Variants in ZC3H12B observed in about 807,000 individuals in gnomAD.
ZC3H12B encodes probable ribonuclease ZC3H12B.
In ZC3H12B, 7 loss-of-function variants were observed where a neutral mutation model predicts 43.9. That is an observed-to-expected ratio of 0.16 (90% confidence interval 0.09 to 0.30). The LOEUF is 0.30. Ranked by LOEUF, ZC3H12B falls within the 10% of genes least tolerant of loss-of-function variation. ZC3H12B has a pLI of 1.00. For synonymous variants in ZC3H12B, 222 were observed against 241.7 expected, an observed-to-expected ratio of 0.92 and a Z score of 0.76; for missense variants, 475 against 670.2, an observed-to-expected ratio of 0.71 and a Z score of 3.22.
chrX:65,189,319 G>A, the ZC3H12B span, among the ~76,000 whole-genome samples: 1 of 86,729 alleles, frequency 1.2e-5, no homozygotes, highest in African/African-American at 5.0e-5. Flanking sequence ...CCCAGTAATG[G>A]AATGGCTGGG....
At chrX:65,239,967 T>C in the ZC3H12B span, among the ~76,000 whole-genome samples, 66 of 111,915 alleles carry the variant, frequency 5.9e-4, no homozygotes, top group Non-Finnish European at 1.0e-3. Flanking sequence ...TGGGTTTCCC[T>C]TTGCAGGTGA....
chrX:65,358,179 G>A, the ZC3H12B span, among the ~76,000 whole-genome samples: 1 of 111,277 alleles, frequency 9.0e-6, no homozygotes, highest in Non-Finnish European at 1.9e-5. Context: ...CAATACAAGA[G>A]TACCCAGATT....
the ZC3H12B span, among the ~76,000 whole-genome samples, chrX:65,122,839 C>G: frequency 9.0e-6 from 1 of 111,522 alleles, no homozygotes; most frequent in Non-Finnish European, 1.9e-5. Flanking sequence ...AGCTAACTAT[C>G]CTAAATATAT....
chrX:65,199,172 A>AT, the ZC3H12B span, among the ~76,000 whole-genome samples: 44 of 104,027 alleles, frequency 4.2e-4, no homozygotes, highest in Admixed American at 2.6e-3. Context: ...GTTTTTTATT[A>AT]TTTTTTTTTC....
the ZC3H12B span, among the ~76,000 whole-genome samples, chrX:65,206,038 C>A: frequency 8.9e-6 from 1 of 111,844 alleles, no homozygotes; most frequent in South Asian, 3.7e-4. Flanking sequence ...ATGGAAACAC[C>A]ATGCTCATGG....
the ZC3H12B span, among the ~76,000 whole-genome samples, chrX:65,130,339 C>T: frequency 9.0e-6 from 1 of 111,436 alleles, no homozygotes; most frequent in African/African-American, 3.3e-5. Flanking sequence ...CTAGGAATTA[C>T]ATCTGACAGA....
At chrX:65,073,365 A>G in the ZC3H12B span, among the ~76,000 whole-genome samples, 1 of 110,418 alleles carries the variant, frequency 9.1e-6, no homozygotes, top group Non-Finnish European at 1.9e-5. Flanking sequence ...CTCTGCTGGA[A>G]CTCTTTTCTG....
the ZC3H12B span, among the ~76,000 whole-genome samples, chrX:65,176,417 C>G: frequency 9.0e-6 from 1 of 111,602 alleles, no homozygotes; most frequent in Non-Finnish European, 1.9e-5. Context: ...TAACATCTCC[C>G]TAGAACAGAG....
At chrX:65,190,180 A>G in the ZC3H12B span, among the ~76,000 whole-genome samples, 2 of 110,620 alleles carry the variant, frequency 1.8e-5, no homozygotes, top group Non-Finnish European at 3.8e-5. Flanking sequence ...TACCAGTACC[A>G]TGCTGTTTTG....
chrX:65,214,537 AC>A, the ZC3H12B span, among the ~76,000 whole-genome samples: 3 of 111,870 alleles, frequency 2.7e-5, no homozygotes, highest in African/African-American at 9.7e-5. Context: ...CATCCGTTTT[AC>A]CATGAGACTG....
intron 3 of ZC3H12B, among the ~76,000 whole-genome samples, chrX:65,481,631 T>G (rs931574325): frequency 3.6e-5 from 4 of 111,790 alleles, no homozygotes; most frequent in South Asian, 3.7e-4. Flanking sequence ...GTTGACATAT[T>G]TAATATAACA....
At chrX:65,159,433 T>C in the ZC3H12B span, among the ~76,000 whole-genome samples, 1 of 111,764 alleles carries the variant, frequency 8.9e-6, no homozygotes, top group African/African-American at 3.3e-5. Flanking sequence ...TTGTATCCTC[T>C]TATTTCATTG....
At chrX:65,460,354 G>A (rs1203800813) in intron 3 of ZC3H12B, among the ~76,000 whole-genome samples, 2 of 111,613 alleles carry the variant, frequency 1.8e-5, no homozygotes, top group East Asian at 2.8e-4. Context: ...ATTGGAAAAA[G>A]CTACTTTAAA....
the ZC3H12B span, among the ~76,000 whole-genome samples, chrX:65,250,112 G>T: frequency 9.1e-6 from 1 of 109,598 alleles, no homozygotes; most frequent in African/African-American, 3.3e-5. Flanking sequence ...ACAGGCCCCA[G>T]TGTGTGATGT....
Position 65,480,241 on chromosome X carries a change from G to A in ZC3H12B, n.408-8405G>A, listed in dbSNP as rs1003452217. ...TTTCATGGCATAAATATAATTACATGAACTTTTAAACATTTGGAGGTTTGT... is the reference window on the plus strand; with the variant it reads ...TTTCATGGCATAAATATAATTACATAAACTTTTAAACATTTGGAGGTTTGT... On this transcript the variant is annotated intron_variant and non_coding_transcript_variant, in intron 3 of 5. Transcript: ENST00000617377. Among the ~76,000 whole-genome samples, 11 of 111,994 alleles carry A rather than the reference G, an allele frequency of 9.8e-5. No individual in the cohort carries two copies. The East Asian group carries it at 2.2e-3, about 23-fold the overall frequency.
chrX:65,203,280 C>A, the ZC3H12B span, among the ~76,000 whole-genome samples: 1 of 111,837 alleles, frequency 8.9e-6, no homozygotes, highest in African/African-American at 3.2e-5. Flanking sequence ...TTTTCCTCTC[C>A]TTTTCTAAAG....
the ZC3H12B span, among the ~76,000 whole-genome samples, chrX:65,157,984 C>T: frequency 5.3e-5 from 5 of 94,667 alleles, no homozygotes; most frequent in Non-Finnish European, 1.0e-4. Context: ...CATGTGTTCT[C>T]ATTGTTCAAT....
At chrX:65,180,168 G>A in the ZC3H12B span, among the ~76,000 whole-genome samples, 10 of 111,814 alleles carry the variant, frequency 8.9e-5, no homozygotes, top group Non-Finnish European at 1.7e-4. Flanking sequence ...GATTAAGTTG[G>A]CTTCATCTCT....
At chrX:65,235,080 T>C in the ZC3H12B span, among the ~76,000 whole-genome samples, 290 of 112,277 alleles carry the variant, frequency 2.6e-3, 3 homozygotes, top group African/African-American at 9.0e-3. Flanking sequence ...TCATTTTCTT[T>C]ATCCAGTCTC....
Sources: allele counts gnomAD v4.1 joint callset (sites outside exome capture counted in the v4.1 genomes callset), GRCh38; gene constraint gnomAD v4.1.1; transcripts MANE v1.5; gene names NCBI Gene and HGNC (gene_info 2026-07-23, HGNC 2026-07-21).